Variants in RTF1 observed in about 807,000 individuals in gnomAD.
RTF1 encodes the protein RTF1 homolog, Paf1/RNA polymerase II complex component, also known as RNA polymerase-associated protein RTF1 homolog.
In RTF1, 10 loss-of-function variants were observed where a neutral mutation model predicts 95.7. That is an observed-to-expected ratio of 0.10 (90% CI 0.06 to 0.18). The LOEUF is 0.18. RTF1 is among the 10% of genes least tolerant of loss of function. The probability of loss-of-function intolerance (pLI) is 1.00; values close to 1 mark genes in which losing one functional copy is unlikely to be tolerated. For synonymous variants in RTF1, 305 were observed against 311.8 expected (o/e 0.98, Z 0.23); for missense variants, 458 against 875.6 (o/e 0.52, Z 6.02).
intron 1 of RTF1, among the ~76,000 whole-genome samples, chr15:41,423,457 G>A (rs1271109323): frequency 7.2e-6 from 1 of 138,324 alleles, no homozygotes; most frequent in Non-Finnish European, 1.6e-5. Flanking sequence ...TGTAGCCTCC[G>A]CCTCTAGGTT....
chr15:41,444,896 A>G (rs1459592501), intron 2 of RTF1, among the ~76,000 whole-genome samples: 1 of 152,072 alleles, frequency 6.6e-6, no homozygotes, highest in Non-Finnish European at 1.5e-5. Flanking sequence ...ACAGCTGTTT[A>G]GATTGCTCAT....
Position 41,478,386 on chromosome 15 carries a change from G to A in RTF1, c.1741-162G>A. 3 of 623,906 alleles carry A rather than the reference G, an allele frequency of 4.8e-6. No individual in the cohort carries two copies. In the South Asian group the frequency reaches 6.0e-5, roughly 13 times the overall value. The allele number at this position is 623,906 out of a possible 1,614,324, so 38.6% of individuals were successfully genotyped here. On this transcript the variant is annotated intron_variant, in intron 14 of 17. Transcript: ENST00000389629. ...ACTGCACTTCAGCCTAGGCGACAGG[G>A]CGAGACTCCATCTCAAAAAAAATTA...
chr15:41,417,952 G>A (rs2050580180), intron 1 of RTF1, among the ~76,000 whole-genome samples: 2 of 152,206 alleles, frequency 1.3e-5, no homozygotes, highest in African/African-American at 4.8e-5. Context: ...TTGGGTGGAG[G>A]AAAGAGGGCA....
At chr15:41,461,738 C>T (rs2140962635) in intron 4 of RTF1, among the ~76,000 whole-genome samples, 1 of 152,040 alleles carries the variant, frequency 6.6e-6, no homozygotes, top group East Asian at 1.9e-4. Flanking sequence ...TTCTGCCTGC[C>T]TTGGCCTCCC....
chr15:41,422,650 C>A (rs1302514279), intron 1 of RTF1, among the ~76,000 whole-genome samples: 2 of 152,160 alleles, frequency 1.3e-5, no homozygotes, highest in African/African-American at 4.8e-5. Flanking sequence ...CACTGGGATG[C>A]TTTATTTTAT....
At chr15:41,432,196 CTTT>C (rs1324449834) in intron 1 of RTF1, among the ~76,000 whole-genome samples, 4 of 136,886 alleles carry the variant, frequency 2.9e-5, no homozygotes, top group Non-Finnish European at 1.6e-5. Context: ...GTTAGGTTTT[CTTT>C]TTTTTTTTTT....
At chr15:41,458,250 C>T (rs74012294) in intron 4 of RTF1, among the ~76,000 whole-genome samples, 2,431 of 152,208 alleles carry the variant, frequency 0.016, 76 homozygotes, top group African/African-American at 0.056. Context: ...TTGTCCTTTT[C>T]GCCACTCTAT....
intron 5 of RTF1, 88 bp downstream of exon 5, chr15:41,464,973 G>C (rs574350377): frequency 7.4e-7 from 1 of 1,348,570 alleles, no homozygotes; most frequent in African/African-American, 1.6e-5. Context: ...TGTGTAAAAG[G>C]TGGATTTATA....
Position 41,475,827 on chromosome 15 carries a change from A to G in RTF1, c.1482+8A>G, listed in dbSNP as rs1420395556. 2 of 1,441,562 alleles carry G rather than the reference A, an allele frequency of 1.4e-6. No homozygotes were observed. Among genetic ancestry groups the G allele is most frequent in the South Asian group, 1.2e-5 (1 of 83,600 alleles). 89.3% of individuals were successfully genotyped at this position (1,441,562 alleles called of 1,614,324 possible). A position where few individuals can be genotyped will look rare whatever the true frequency, so the allele number is the denominator to read the frequency against. Reference sequence around the variant, plus strand: ...GATCAGGACATTGAAGAGGTAAGAAAACTGGTGCCCCAGAACCCGGAGGTT... The same window carrying G: ...GATCAGGACATTGAAGAGGTAAGAAGACTGGTGCCCCAGAACCCGGAGGTT... On this transcript the variant is annotated splice_region_variant and intron_variant, in intron 11 of 17. Transcript: ENST00000389629.
At chr15:41,465,092 T>C (rs1175209921) in intron 5 of RTF1, among the ~76,000 whole-genome samples, 1 of 151,982 alleles carries the variant, frequency 6.6e-6, no homozygotes, top group East Asian at 1.9e-4. Context: ...TGCTTTCCTT[T>C]TTCCTTTTCT....
intron 4 of RTF1, among the ~76,000 whole-genome samples, chr15:41,462,782 G>T (rs1269859160): frequency 1.3e-5 from 2 of 152,064 alleles, no homozygotes; most frequent in African/African-American, 2.4e-5. Flanking sequence ...TCAAGACAGG[G>T]TCTCGTTCTG....
intron 4 of RTF1, among the ~76,000 whole-genome samples, chr15:41,461,553 C>T (rs1332696123): frequency 2.7e-5 from 4 of 150,386 alleles, no homozygotes; most frequent in African/African-American, 4.9e-5. Flanking sequence ...AGTGCAGTGG[C>T]GCAACCTCGG....
At chr15:41,464,301 A>AGTG (rs1047455773) in intron 4 of RTF1, among the ~76,000 whole-genome samples, 3 of 145,406 alleles carry the variant, frequency 2.1e-5, no homozygotes, top group Admixed American at 7.0e-5. Context: ...GCTAGGCTGG[A>AGTG]GTGCAGTGGC....
intron 2 of RTF1, among the ~76,000 whole-genome samples, chr15:41,439,486 C>G (rs1179866523): frequency 6.6e-6 from 1 of 152,088 alleles, no homozygotes; most frequent in East Asian, 1.9e-4. Context: ...ATGGTGTTAA[C>G]TTCAAAGGAG....
chr15:41,469,328 T>G (rs115426796), intron 6 of RTF1, among the ~76,000 whole-genome samples: 1 of 152,076 alleles, frequency 6.6e-6, no homozygotes, highest in Non-Finnish European at 1.5e-5. Flanking sequence ...CTTAGATTAA[T>G]GGTAGCATAT....
chr15:41,438,446 C>T lies in RTF1; in HGVS notation c.309+15C>T. 1.3e-6 allele frequency: 2 copies of T among 1,525,666 alleles called. No individual in the cohort carries two copies. The highest frequency in any genetic ancestry group is 8.9e-7 in the Non-Finnish European group (1 of 1,125,686). The allele number at this position is 1,525,666 out of a possible 1,614,324, so 94.5% of individuals were successfully genotyped here. ...GTGACGATGAGGTGGGTGTGGAGGG[C>T]CTCGGCTTCTGGGACCATTAGATAG... On this transcript the variant is annotated intron_variant, in intron 2 of 17. Transcript: ENST00000389629.
intron 6 of RTF1, among the ~76,000 whole-genome samples, chr15:41,468,690 T>A (rs1002290817): frequency 6.6e-6 from 1 of 152,164 alleles, no homozygotes; most frequent in African/African-American, 2.4e-5. Context: ...AGATAAATGC[T>A]TGATTAATTT....
At chr15:41,424,380 G>A (rs1004338385) in intron 1 of RTF1, among the ~76,000 whole-genome samples, 7 of 152,102 alleles carry the variant, frequency 4.6e-5, no homozygotes, top group African/African-American at 1.7e-4. Context: ...CATGGTTGAG[G>A]CACCAGCATA....
intron 5 of RTF1, among the ~76,000 whole-genome samples, chr15:41,465,751 C>T (rs891273215): frequency 2.6e-5 from 4 of 152,082 alleles, no homozygotes; most frequent in African/African-American, 9.7e-5. Flanking sequence ...GTATATCATC[C>T]TTTACTTGGT....
Sources: allele counts gnomAD v4.1 joint callset (sites outside exome capture counted in the v4.1 genomes callset), GRCh38; gene constraint gnomAD v4.1.1; transcripts MANE v1.5; gene names NCBI Gene and HGNC (gene_info 2026-07-23, HGNC 2026-07-21).